The following AGBL3 variants were observed in gnomAD, a reference collection of about 807,000 sequenced individuals.
AGBL3 encodes the protein AGBL carboxypeptidase 3.
A neutral mutation model predicts 94.5 loss-of-function variants in AGBL3; 68 were observed. The observed-to-expected ratio is 0.72, with a 90% CI of 0.59 to 0.88. AGBL3 has a LOEUF of 0.88. AGBL3 is among the 40% of genes least tolerant of loss of function. The pLI, the probability that AGBL3 is intolerant of heterozygous loss-of-function variation, is 0.00. For synonymous variants in AGBL3, 354 were observed against 370.7 expected, an observed-to-expected ratio of 0.95 and a Z score of 0.52; for missense variants, 934 against 1,103.8, an observed-to-expected ratio of 0.85 and a Z score of 2.18.
chr7:135,034,929 G>GT lies in AGBL3; in HGVS notation c.1337+2dup, dbSNP rs1366936487. 1.3e-6 allele frequency: 2 copies of GT among 1,484,568 alleles called. No homozygotes were observed. 92.0% of individuals were successfully genotyped at this position (1,484,568 alleles called of 1,614,324 possible). ...GGTATACCCGGAACATGGTTCATAG[G>GT]TAAAATAAGCCTCAAATTACCTCTG... is the stretch of plus-strand genomic sequence containing the variant. On this transcript the variant is annotated splice_donor_variant, in intron 7 of 16. Coordinates refer to ENST00000436302, the MANE Select transcript of AGBL3 (RefSeq NM_178563.4). LOFTEE classifies it high-confidence loss of function.
intron 5 of AGBL3, among the ~76,000 whole-genome samples, chr7:135,032,418 C>T (rs1489718160): frequency 6.6e-6 from 1 of 151,938 alleles, no homozygotes; most frequent in East Asian, 1.9e-4. Context: ...GATTCTCCTG[C>T]CTCAGCCTCC....
At chr7:135,038,400 A>G (rs1343550523) in intron 8 of AGBL3, among the ~76,000 whole-genome samples, 2 of 152,234 alleles carry the variant, frequency 1.3e-5, no homozygotes, top group East Asian at 1.9e-4. Flanking sequence ...AGCTATTGCT[A>G]TGTAAATTTA....
At chr7:135,132,856 G>A (rs1828975045) in intron 16 of AGBL3, among the ~76,000 whole-genome samples, 1 of 151,930 alleles carries the variant, frequency 6.6e-6, no homozygotes, top group South Asian at 2.1e-4. Context: ...CCCAGCATTG[G>A]GTATGTTTTT....
At chr7:135,128,410 T>C (rs1828256595) in intron 16 of AGBL3, 1 of 613,494 alleles carries the variant, frequency 1.6e-6, no homozygotes, top group South Asian at 1.7e-5. Flanking sequence ...ATCACTCTCA[T>C]GGTCATCTTG....
chr7:134,989,993 C>T (rs1810023850), intron 3 of AGBL3, among the ~76,000 whole-genome samples: 1 of 152,132 alleles, frequency 6.6e-6, no homozygotes, highest in South Asian at 2.1e-4. Context: ...GGACATTTCC[C>T]TGCTACCCTT....
intron 15 of AGBL3, among the ~76,000 whole-genome samples, chr7:135,109,002 G>A (rs1279407109): frequency 6.6e-6 from 1 of 152,150 alleles, no homozygotes; most frequent in Non-Finnish European, 1.5e-5. Context: ...GTTGTGTTGT[G>A]AAATTCTTGT....
rs73725226 is a variant in AGBL3, at chr7:135,129,174, A to T, written c.2343-5667A>T. ...TCTCCTCCAGTCCACCTTGGACCTG[A>T]TGGCAGATGTGGTGTACTGCCCCCA... On this transcript the variant is annotated intron_variant, in intron 16 of 16. Coordinates refer to ENST00000436302, the MANE Select transcript of AGBL3 (RefSeq NM_178563.4). The T allele has an allele frequency of 7.1e-3, 10,238 of 1,443,374 alleles. 559 individuals carry two copies. In the African/African-American group the frequency reaches 0.13, roughly 18 times the overall value. 89.4% of individuals were successfully genotyped at this position (1,443,374 alleles called of 1,614,324 possible). A position where few individuals can be genotyped will look rare whatever the true frequency, so the allele number is the denominator to read the frequency against.
intron 15 of AGBL3, among the ~76,000 whole-genome samples, chr7:135,106,918 G>A (rs1038157280): frequency 6.6e-6 from 1 of 152,012 alleles, no homozygotes; most frequent in African/African-American, 2.4e-5. Context: ...TCAGGGAATC[G>A]ATTTCTTCCT....
intron 11 of AGBL3, 52 bp downstream of exon 11, chr7:135,045,963 T>G (rs1817319675): frequency 6.8e-6 from 8 of 1,172,614 alleles, no homozygotes; most frequent in Non-Finnish European, 9.7e-6. Context: ...TTTACTATGT[T>G]CTTTATAATT....
intron 11 of AGBL3, among the ~76,000 whole-genome samples, chr7:135,058,670 C>T (rs1394471919): frequency 6.6e-6 from 1 of 152,114 alleles, no homozygotes. Flanking sequence ...TTAACACATT[C>T]CCAAACCTTT....
intron 4 of AGBL3, among the ~76,000 whole-genome samples, chr7:134,997,888 A>G (rs958595830): frequency 6.6e-6 from 1 of 152,232 alleles, no homozygotes; most frequent in Admixed American, 6.5e-5. Flanking sequence ...TGTAACTAGT[A>G]TAATTATCTC....
chr7:135,020,533 A>G (rs1355750427), intron 5 of AGBL3, among the ~76,000 whole-genome samples: 1 of 152,214 alleles, frequency 6.6e-6, no homozygotes, highest in Non-Finnish European at 1.5e-5. Flanking sequence ...TAGAAATACC[A>G]TTTGACCCAG....
chr7:135,024,617 T>TAGC (rs1201435642), intron 5 of AGBL3, among the ~76,000 whole-genome samples: 3 of 152,268 alleles, frequency 2.0e-5, no homozygotes, highest in Admixed American at 6.5e-5. Flanking sequence ...ATGAGCACAC[T>TAGC]AGCTCTCCAG....
chr7:135,028,516 G>A (rs1815392921), intron 5 of AGBL3, among the ~76,000 whole-genome samples: 1 of 152,196 alleles, frequency 6.6e-6, no homozygotes, highest in Admixed American at 6.5e-5. Flanking sequence ...TGGGATGGAA[G>A]CAATTCAGTC....
At chr7:135,050,322 A>C (rs2116611383) in intron 11 of AGBL3, among the ~76,000 whole-genome samples, 1 of 152,052 alleles carries the variant, frequency 6.6e-6, no homozygotes, top group East Asian at 1.9e-4. Context: ...ATCCTGGAGA[A>C]AGTTCCAGAT....
intron 4 of AGBL3, among the ~76,000 whole-genome samples, chr7:135,013,378 G>A (rs1464023775): frequency 6.6e-6 from 1 of 152,144 alleles, no homozygotes; most frequent in African/African-American, 2.4e-5. Flanking sequence ...AAATATACAT[G>A]TATTCCCTGA....
intron 5 of AGBL3, among the ~76,000 whole-genome samples, chr7:135,031,006 G>C (rs1187703021): frequency 6.6e-6 from 1 of 151,784 alleles, no homozygotes; most frequent in Non-Finnish European, 1.5e-5. Context: ...ATTTGGTTCA[G>C]TTTTGTTTTT....
At chr7:135,043,773 A>G (rs1226711287) in intron 8 of AGBL3, among the ~76,000 whole-genome samples, 1 of 150,084 alleles carries the variant, frequency 6.7e-6, no homozygotes, top group African/African-American at 2.4e-5. Context: ...TATGTTACAT[A>G]AAGATATATA....
At chr7:135,092,636 TG>T (rs1585059812) in intron 15 of AGBL3, 1 of 152,116 alleles carries the variant, frequency 6.6e-6, no homozygotes, top group East Asian at 1.9e-4. Flanking sequence ...TATTGTGTTA[TG>T]GGGTTACATC....
Sources: allele counts gnomAD v4.1 joint callset (sites outside exome capture counted in the v4.1 genomes callset), GRCh38; gene constraint gnomAD v4.1.1; transcripts MANE v1.5; gene names NCBI Gene and HGNC (gene_info 2026-07-23, HGNC 2026-07-21).